The following GRID2 variants were observed in gnomAD, a reference collection of about 807,000 sequenced individuals.
GRID2 encodes glutamate ionotropic receptor delta type subunit 2.
In GRID2, 33 loss-of-function variants were observed where a neutral mutation model predicts 114.8. The ratio of observed to expected loss-of-function variants is 0.29; its 90% CI spans 0.22 to 0.38. The LOEUF is 0.38. Among genes scored for constraint, GRID2 ranks in the 10% least tolerant of loss-of-function variants. The pLI, the probability that GRID2 is intolerant of heterozygous loss-of-function variation, is 1.00. For synonymous variants in GRID2, 505 were observed against 449.9 expected (o/e 1.12, Z -1.55); for missense variants, 1,184 against 1,257.7 (o/e 0.94, Z 0.89).
chr4:92,342,581 A>T (rs1314057361), intron 1 of GRID2, among the ~76,000 whole-genome samples: 1 of 152,232 alleles, frequency 6.6e-6, no homozygotes, highest in Non-Finnish European at 1.5e-5. Context: ...TATCAATAGA[A>T]AGGTGTTCTT....
rs529275890 is a variant in GRID2 at position 93,224,549 on chromosome 4, T to A, written c.964-65T>A. ...AACAGAAGCAGTTGAGACAATTATT[T>A]TTTTTCCTTATTCCTGATGACTGGT... On this transcript the variant is annotated intron_variant, in intron 6 of 15. Transcript: ENST00000282020. 9 of 1,049,564 alleles carry A rather than the reference T, an allele frequency of 8.6e-6. No homozygotes were observed. The South Asian group carries it at 1.2e-4, about 14-fold the overall frequency. The allele number at this position is 1,049,564 out of a possible 1,614,324, so 65.0% of individuals were successfully genotyped here.
chr4:92,762,448 T>A (rs1738063297), intron 2 of GRID2, among the ~76,000 whole-genome samples: 2 of 148,146 alleles, frequency 1.4e-5, no homozygotes, highest in South Asian at 2.1e-4. Flanking sequence ...TTGCTAAAAT[T>A]AAAAAAAAAA....
At chr4:92,620,364 A>G (rs1730208818) in intron 2 of GRID2, among the ~76,000 whole-genome samples, 1 of 151,764 alleles carries the variant, frequency 6.6e-6, no homozygotes, top group Non-Finnish European at 1.5e-5. Flanking sequence ...AAACTAATAA[A>G]GTCTCAGGAT....
intron 9 of GRID2, among the ~76,000 whole-genome samples, chr4:93,412,217 T>A (rs939045773): frequency 2.0e-5 from 3 of 149,354 alleles, no homozygotes; most frequent in Non-Finnish European, 3.0e-5. Flanking sequence ...CTGGGCAGCA[T>A]AGTAAGACCC....
chr4:92,810,297 T>A (rs1740608720), intron 2 of GRID2, among the ~76,000 whole-genome samples: 3 of 152,016 alleles, frequency 2.0e-5, no homozygotes, highest in South Asian at 2.1e-4. Context: ...TGAGTTATTT[T>A]AAATTTTTTT....
intron 13 of GRID2, among the ~76,000 whole-genome samples, chr4:93,548,048 G>A (rs1027073009): frequency 3.9e-5 from 6 of 152,012 alleles, no homozygotes; most frequent in African/African-American, 9.6e-5. Flanking sequence ...ACGGTGGTGC[G>A]CACCTGTAAT....
At chr4:92,527,878 C>T (rs888284795) in intron 1 of GRID2, among the ~76,000 whole-genome samples, 3 of 152,006 alleles carry the variant, frequency 2.0e-5, no homozygotes, top group African/African-American at 7.2e-5. Context: ...ATTATTGCTT[C>T]CTAACAACAT....
chr4:93,403,319 G>A (rs1434932367), intron 9 of GRID2, among the ~76,000 whole-genome samples: 3 of 152,094 alleles, frequency 2.0e-5, no homozygotes, highest in Non-Finnish European at 4.4e-5. Context: ...TAAGAACACA[G>A]TTCCCACAGT....
chr4:92,836,006 G>T (rs1010064588), intron 2 of GRID2, among the ~76,000 whole-genome samples: 5 of 152,076 alleles, frequency 3.3e-5, no homozygotes, highest in African/African-American at 1.2e-4. Flanking sequence ...AGAACCAAAA[G>T]AGCTTTCATT....
In GRID2 at chr4:92,423,362, T is replaced by C. The variant is rs186471885; in HGVS notation, c.88+118618T>C. On this transcript the variant is annotated intron_variant, in intron 1 of 15. Coordinates refer to ENST00000282020, the MANE Select transcript of GRID2 (RefSeq NM_001510.4). ...AGTGAGTTTAGGAGATAAATTATTT[T>C]CTATTAGAAGTTAGAGATTTTGTGT... is the stretch of plus-strand genomic sequence containing the variant. 5.9e-5 allele frequency among the ~76,000 whole-genome samples: 9 copies of C among 152,234 alleles called. No individual in the cohort carries two copies. The East Asian group carries it at 1.7e-3, about 29-fold the overall frequency.
At chr4:93,028,597 T>G (rs1724101288) in intron 2 of GRID2, among the ~76,000 whole-genome samples, 1 of 152,146 alleles carries the variant, frequency 6.6e-6, no homozygotes, top group South Asian at 2.1e-4. Flanking sequence ...TTTTTTTATA[T>G]ATACGTACGA....
chr4:93,653,601 C>T (rs143922534), intron 14 of GRID2, among the ~76,000 whole-genome samples: 2 of 152,174 alleles, frequency 1.3e-5, no homozygotes, highest in East Asian at 3.9e-4. Context: ...AATAAACTGC[C>T]TTCTAAATGT....
At chr4:93,716,401 G>A (rs1728908272) in intron 14 of GRID2, among the ~76,000 whole-genome samples, 2 of 152,102 alleles carry the variant, frequency 1.3e-5, no homozygotes, top group Admixed American at 1.3e-4. Context: ...AGCTGTGCCA[G>A]TTCTGTAATC....
chr4:93,697,062 T>C (rs1727084404), intron 14 of GRID2, among the ~76,000 whole-genome samples: 1 of 152,194 alleles, frequency 6.6e-6, no homozygotes, highest in Non-Finnish European at 1.5e-5. Flanking sequence ...CAAAGACATG[T>C]ATCTTAAGAT....
chr4:92,389,208 G>A (rs1560601849), intron 1 of GRID2, among the ~76,000 whole-genome samples: 1 of 151,938 alleles, frequency 6.6e-6, no homozygotes, highest in Non-Finnish European at 1.5e-5. Context: ...ACCAGTATCT[G>A]AGATCATTAT....
At chr4:92,953,783 A>C (rs1267369228) in intron 2 of GRID2, among the ~76,000 whole-genome samples, 1 of 152,138 alleles carries the variant, frequency 6.6e-6, no homozygotes, top group African/African-American at 2.4e-5. Context: ...GAAATTAACT[A>C]CTAAAAAGTA....
intron 9 of GRID2, among the ~76,000 whole-genome samples, chr4:93,402,451 A>G (rs1480232649): frequency 6.6e-6 from 1 of 152,194 alleles, no homozygotes; most frequent in Middle Eastern, 3.2e-3. Context: ...CAGTAAAACT[A>G]TGATGTGTAA....
intron 8 of GRID2, among the ~76,000 whole-genome samples, chr4:93,372,426 A>G (rs1763017446): frequency 6.6e-6 from 1 of 152,120 alleles, no homozygotes; most frequent in African/African-American, 2.4e-5. Flanking sequence ...CCTGACTACT[A>G]CAATGTCCCC....
At chr4:93,391,675 A>C (rs1764865416) in intron 8 of GRID2, among the ~76,000 whole-genome samples, 1 of 152,186 alleles carries the variant, frequency 6.6e-6, no homozygotes, top group South Asian at 2.1e-4. Context: ...ACACTGCCTG[A>C]AAAATAATGT....
Sources: allele counts gnomAD v4.1 joint callset (sites outside exome capture counted in the v4.1 genomes callset), GRCh38; gene constraint gnomAD v4.1.1; transcripts MANE v1.5; gene names NCBI Gene and HGNC (gene_info 2026-07-23, HGNC 2026-07-21).